The following CPN1 variants were observed in gnomAD, a reference collection of about 807,000 sequenced individuals.
CPN1 encodes carboxypeptidase N catalytic chain.
A neutral mutation model predicts 46.4 loss-of-function variants in CPN1; 37 were observed. That is an observed-to-expected ratio of 0.80 (90% CI 0.61 to 1.05). The LOEUF (loss-of-function observed/expected upper bound fraction) is 1.05. Among genes scored for constraint, CPN1 ranks in the 50% least tolerant of loss-of-function variants. CPN1 has a pLI of 0.00. For missense variants in CPN1, 563 were observed against 602.6 expected, an observed-to-expected ratio of 0.93 and a Z score of 0.69; for synonymous variants, 224 against 235.4, an observed-to-expected ratio of 0.95 and a Z score of 0.44.
rs569816438 is a variant in CPN1, at chr10:100,080,907, T to G, written c.223+496A>C. ...GACCCCGTCTCAAAAAAATAAAAAA[T>G]AAAAAAGAATCCAGTAAATAAAACT... On this transcript the variant is annotated intron_variant, in intron 1 of 8. Transcript: ENST00000370418. Among the ~76,000 whole-genome samples, 45 of 151,794 alleles carry G rather than the reference T, an allele frequency of 3.0e-4. 3 individuals carry two copies. The highest frequency in any genetic ancestry group is 8.7e-4 in the African/African-American group (36 of 41,388).
rs1177270620 is a variant in CPN1 at position 100,081,817 on chromosome 10, T to A, written c.-192A>T. 1.6e-6 allele frequency: 1 copy of A among 625,246 alleles called. No homozygotes were observed. The highest frequency in any genetic ancestry group is 1.7e-5 in the South Asian group (1 of 57,298). The allele number at this position is 625,246 out of a possible 1,614,324, so 38.7% of individuals were successfully genotyped here. On this transcript the variant is annotated 5_prime_UTR_variant, in exon 1 of 9. Transcript: ENST00000370418. ...TGTCGTTCTGGAATAGCCACTCATC[T>A]CTCCTCCCTCACTCCCTTTCTTTCT...
At chr10:100,062,580 C>T (rs757072169) in intron 5 of CPN1, among the ~76,000 whole-genome samples, 10 of 150,058 alleles carry the variant, frequency 6.7e-5, no homozygotes, top group Admixed American at 6.1e-4. Flanking sequence ...ATTAAAATTA[C>T]GAGGCAAGTA....
At chr10:100,049,014 A>G in intron 7 of CPN1, 138 bp from the exon 8 acceptor site, 1 of 641,064 alleles carries the variant, frequency 1.6e-6, no homozygotes, top group Non-Finnish European at 2.8e-6. Flanking sequence ...GCTGGAGTGA[A>G]GTGGTGTGAT....
chr10:100,059,934 C>T (rs1017718752), intron 5 of CPN1, among the ~76,000 whole-genome samples: 6 of 152,016 alleles, frequency 3.9e-5, no homozygotes, highest in Admixed American at 1.3e-4. Context: ...TTCTGACAAA[C>T]GCCATAACAT....
chr10:100,046,539 G>A (rs919039595), intron 8 of CPN1, among the ~76,000 whole-genome samples: 3 of 152,162 alleles, frequency 2.0e-5, no homozygotes, highest in Non-Finnish European at 4.4e-5. Context: ...TTGGGAGGCC[G>A]AGGAGGGTGG....
At position 100,063,655 on chromosome 10, in the gene CPN1, T is replaced by C; in HGVS notation, c.830A>G (p.Asp277Gly). ...QGWNCGDYFPDGITNGASWYS... is the reference protein window; with the variant it reads ...QGWNCGDYFPGGITNGASWYS... The stretch of plus-strand genomic sequence containing the variant: ...CCAGGAAGCCCCATTGGTGATGCCA[T>C]CTGGGAAGTAATCTCCGCAGTTCCA... Residue 277 changes from aspartate (D) to glycine (G), a missense_variant, in exon 5 of 9, where the codon GAT becomes GGT. By Grantham distance (94) the Asp-to-Gly change is moderately conservative. Transcript: ENST00000370418. 3.7e-6 allele frequency: 6 copies of C among 1,614,014 alleles called. No homozygotes were observed. Among genetic ancestry groups the C allele is most frequent in the Non-Finnish European group, 5.1e-6 (6 of 1,179,960 alleles).
chr10:100,072,830 G>A (rs1383684833), intron 2 of CPN1, among the ~76,000 whole-genome samples: 5 of 152,172 alleles, frequency 3.3e-5, no homozygotes, highest in Admixed American at 3.3e-4. Context: ...AATACATAGA[G>A]TGATAGAATA....
Position 100,065,387 on chromosome 10 carries a change from G to A in CPN1, c.577-17C>T. The A allele has an allele frequency of 6.2e-7, 1 of 1,613,952 alleles. No individual in the cohort carries two copies. Among genetic ancestry groups the A allele is most frequent in the Non-Finnish European group, 8.5e-7 (1 of 1,179,916 alleles). On this transcript the variant is annotated splice_polypyrimidine_tract_variant and intron_variant, in intron 3 of 8. Transcript: ENST00000370418. ...GGGTTCCACCTGGGAGGAGGCGAGA[G>A]GTTGGCGGTGAAGGGCCAACTGGGG... is the stretch of plus-strand genomic sequence containing the variant.
At chr10:100,076,669 C>T (rs1334326579) in intron 1 of CPN1, among the ~76,000 whole-genome samples, 1 of 152,216 alleles carries the variant, frequency 6.6e-6, no homozygotes, top group Non-Finnish European at 1.5e-5. Flanking sequence ...TCCATCTGAA[C>T]AAGAACACAG....
At chr10:100,075,289 C>T (rs2041507660) in intron 2 of CPN1, among the ~76,000 whole-genome samples, 1 of 151,880 alleles carries the variant, frequency 6.6e-6, no homozygotes, top group African/African-American at 2.4e-5. Context: ...GACTCTATCC[C>T]AAAAAAAGAA....
intron 5 of CPN1, among the ~76,000 whole-genome samples, chr10:100,057,494 G>A (rs931052351): frequency 2.0e-5 from 3 of 152,080 alleles, no homozygotes; most frequent in Admixed American, 1.3e-4. Flanking sequence ...GTTATGTATC[G>A]TTATTATTTG....
chr10:100,055,945 G>A (rs1195676583), intron 6 of CPN1, among the ~76,000 whole-genome samples: 4 of 152,200 alleles, frequency 2.6e-5, no homozygotes, highest in African/African-American at 9.6e-5. Context: ...TGTAAATAAT[G>A]CTGTTACAAA....
rs2041332433 is a variant in CPN1, at chr10:100,048,850, G to A, written c.1138C>T (p.Leu380=). The A allele has an allele frequency of 6.2e-7, 1 of 1,613,594 alleles. No individual in the cohort carries two copies. Among genetic ancestry groups the A allele is most frequent in the Non-Finnish European group, 8.5e-7 (1 of 1,179,622 alleles). The stretch of plus-strand genomic sequence containing the variant: ...CTAACAGTGTAGATACCTGGAAGCA[G>A]CAGCCGGAAGTAATCACCATGGTCA... ...SGDHGDYFRL[L]LPGIYTVSAT... Residue 380 remains leucine (L), a synonymous_variant, in exon 8 of 9, where the codon CTG becomes TTG. Transcript: ENST00000370418.
At chr10:100,057,809 C>T (rs2041394033) in intron 5 of CPN1, among the ~76,000 whole-genome samples, 1 of 151,982 alleles carries the variant, frequency 6.6e-6, no homozygotes, top group South Asian at 2.1e-4. Context: ...GCAGGTCATA[C>T]AGTGGTATTT....
chr10:100,074,469 G>A (rs1047798979), intron 2 of CPN1, among the ~76,000 whole-genome samples: 2 of 152,188 alleles, frequency 1.3e-5, no homozygotes, highest in African/African-American at 4.8e-5. Context: ...GCAGGACTGT[G>A]CAATGGCACG....
At position 100,065,111 on chromosome 10, in the gene CPN1, G is replaced by T. The variant is rs2041445745; in HGVS notation, c.759+77C>A. ...TTTTCTGTGGCCTCGCACTGAAAAGGGTTCTGTGTTACTGACCTTAAGCTC... is the reference window on the plus strand; with the variant it reads ...TTTTCTGTGGCCTCGCACTGAAAAGTGTTCTGTGTTACTGACCTTAAGCTC... On this transcript the variant is annotated intron_variant, in intron 4 of 8. Transcript: ENST00000370418. 4 of 1,517,064 alleles carry T rather than the reference G, an allele frequency of 2.6e-6. No homozygotes were observed. The South Asian group carries it at 3.7e-5, about 14-fold the overall frequency. The allele number at this position is 1,517,064 out of a possible 1,614,324, so 94.0% of individuals were successfully genotyped here.
At chr10:100,071,018 T>C (rs2041481145) in intron 2 of CPN1, among the ~76,000 whole-genome samples, 1 of 152,194 alleles carries the variant, frequency 6.6e-6, no homozygotes, top group African/African-American at 2.4e-5. Flanking sequence ...ACAGATCACA[T>C]AAGTGGGTCA....
rs757072169 is a variant in CPN1, at chr10:100,062,580, C to A, written c.871+1034G>T. On this transcript the variant is annotated intron_variant, in intron 5 of 8. Transcript: ENST00000370418. Reference sequence around the variant, plus strand: ...TTATTTAATACTCATATTAAAATTACGAGGCAAGTATTCTTTCTTTTTTTT... The same window carrying A: ...TTATTTAATACTCATATTAAAATTAAGAGGCAAGTATTCTTTCTTTTTTTT... Among the ~76,000 whole-genome samples the A allele has an allele frequency of 1.3e-5, 2 of 149,980 alleles. 1 individual carries two copies. The highest frequency in any genetic ancestry group is 4.2e-4 in the South Asian group (2 of 4,788).
intron 6 of CPN1, among the ~76,000 whole-genome samples, chr10:100,055,586 G>A (rs1021991890): frequency 2.6e-5 from 4 of 151,964 alleles, no homozygotes; most frequent in African/African-American, 7.3e-5. Flanking sequence ...GTGCAATGGC[G>A]CAATCTCAGC....
Sources: gnomAD v4.1 joint callset for allele counts (sites outside exome capture counted in the v4.1 genomes callset) on GRCh38, gnomAD v4.1.1 for gene constraint, MANE v1.5 for transcripts, NCBI Gene and HGNC (gene_info 2026-07-23, HGNC 2026-07-21) for gene names.